The following CARS1 variants were observed in gnomAD, a reference collection of about 807,000 sequenced individuals.
CARS1 encodes the protein cysteinyl-tRNA synthetase 1.
A neutral mutation model predicts 106.2 loss-of-function variants in CARS1; 48 were observed. The observed-to-expected ratio is 0.45, with a 90% confidence interval of 0.36 to 0.57. The LOEUF (loss-of-function observed/expected upper bound fraction) is 0.57. Among genes scored for constraint, CARS1 ranks in the 20% least tolerant of loss-of-function variants. The pLI is 0.00. For synonymous variants in CARS1, 409 were observed against 403.4 expected, an observed-to-expected ratio of 1.01 and a Z score of -0.17; for missense variants, 968 against 1,057.2, an observed-to-expected ratio of 0.92 and a Z score of 1.17.
intron 17 of CARS1, among the ~76,000 whole-genome samples, chr11:3,015,173 A>AT (rs1212088475): frequency 9.2e-5 from 14 of 152,104 alleles, no homozygotes; most frequent in Non-Finnish European, 1.6e-4. Context: ...TTCTGGATGG[A>AT]TTTTCTCACC....
Position 3,022,442 on chromosome 11 carries a change from G to A in CARS1, c.1154-2110C>T, listed in dbSNP as rs756629787. 4.6e-5 allele frequency among the ~76,000 whole-genome samples: 7 copies of A among 151,992 alleles called. No individual in the cohort carries two copies. The highest frequency in any genetic ancestry group is 2.1e-4 in the South Asian group (1 of 4,810). On this transcript the variant is annotated intron_variant, in intron 10 of 22. Coordinates refer to ENST00000380525, the MANE Select transcript of CARS1 (RefSeq NM_001014437.3). This position sits in a 1 kb window ranked among gnomAD's most constrained non-coding sequence, Gnocchi z 4.9. ...ACCCCTCCCCAAATCTCAGGGAGGC[G>A]GATCTGAGGTTTCCTCCCATCTCCA...
chr11:3,012,347 A>C, intron 17 of CARS1, 71 bp from the exon 18 acceptor site: 294 of 1,329,470 alleles, frequency 2.2e-4, no homozygotes, highest in Middle Eastern at 3.7e-4. Context: ...ATAATAGCTC[A>C]GTGGCCGCGA....
intron 17 of CARS1, 115 bp downstream of exon 17, chr11:3,015,666 C>T (rs960377474): frequency 2.2e-6 from 2 of 906,412 alleles, no homozygotes. Context: ...GAGGCGCTGT[C>T]CGGAAGGGTC....
intron 7 of CARS1, among the ~76,000 whole-genome samples, chr11:3,033,560 G>T (rs887381058): frequency 6.6e-6 from 1 of 152,160 alleles, no homozygotes; most frequent in Non-Finnish European, 1.5e-5. Flanking sequence ...ACAAGTAAAT[G>T]ATGTCAAATT....
chr11:3,015,919 G>T, intron 16 of CARS1, 70 bp from the exon 17 acceptor site: 1 of 1,323,444 alleles, frequency 7.6e-7, no homozygotes, highest in Non-Finnish European at 1.1e-6. Context: ...GCAGCTGTGA[G>T]CTGTGTTCCT....
At chr11:3,032,132 G>C (rs1852919414) in intron 7 of CARS1, among the ~76,000 whole-genome samples, 1 of 148,990 alleles carries the variant, frequency 6.7e-6, no homozygotes, top group Non-Finnish European at 1.5e-5. Flanking sequence ...GAGTGCAGTA[G>C]TGCAATCTCA....
At chr11:3,036,412 AACAACTC>A (rs1038378781) in intron 7 of CARS1, among the ~76,000 whole-genome samples, 71 of 152,362 alleles carry the variant, frequency 4.7e-4, no homozygotes, top group Middle Eastern at 3.4e-3. Context: ...GACAACACAA[AACAACTC>A]ACAGTTCAGC....
chr11:3,034,281 C>T lies in CARS1; in HGVS notation c.801+3769G>A, dbSNP rs368278956. On this transcript the variant is annotated intron_variant, in intron 7 of 22. Transcript: ENST00000380525. This position sits in a 1 kb window ranked among gnomAD's most constrained non-coding sequence, Gnocchi z 6.3. ...TGTTTCCCAGGCTGGAATGCAGTGGCGTGATCTCGGCTCACTGCAACCTCC... is the reference window on the plus strand; with the variant it reads ...TGTTTCCCAGGCTGGAATGCAGTGGTGTGATCTCGGCTCACTGCAACCTCC... Among the ~76,000 whole-genome samples, 8 of 152,150 alleles carry T rather than the reference C, an allele frequency of 5.3e-5. No homozygotes were observed. The East Asian group carries it at 1.2e-3, about 22-fold the overall frequency.
At chr11:3,056,760 C>T (rs420127) in intron 1 of CARS1, among the ~76,000 whole-genome samples, 50,123 of 152,096 alleles carry the variant, frequency 0.33, 10,338 homozygotes, top group East Asian at 0.66. Context: ...TTGTCTCCCC[C>T]CTAAAGGCCA....
chr11:3,028,201 G>C lies in CARS1; in HGVS notation c.1031+795C>G, dbSNP rs1395859295. The C allele has an allele frequency of 2.9e-6, 1 of 345,824 alleles. No individual in the cohort carries two copies. The highest frequency in any genetic ancestry group is 5.5e-6 in the Non-Finnish European group (1 of 182,160). The allele number at this position is 345,824 out of a possible 1,614,324, so 21.4% of individuals were successfully genotyped here. ...AGGGCCCCCTGTCCAGTGGACACGTGACCCACGTGGCCTTACCTATCATTG... is the reference window on the plus strand; with the variant it reads ...AGGGCCCCCTGTCCAGTGGACACGTCACCCACGTGGCCTTACCTATCATTG... On this transcript the variant is annotated intron_variant, in intron 9 of 22. Coordinates refer to ENST00000380525, the MANE Select transcript of CARS1 (RefSeq NM_001014437.3). This position sits in a 1 kb window ranked among gnomAD's most constrained non-coding sequence, Gnocchi z 4.4.
intron 17 of CARS1, 103 bp downstream of exon 17, chr11:3,015,678 G>A (rs2134132954): frequency 1.0e-6 from 1 of 997,552 alleles, no homozygotes. Context: ...GGAAGGGTCT[G>A]GTGTGGGTGG....
intron 7 of CARS1, among the ~76,000 whole-genome samples, chr11:3,032,004 C>A (rs11025111): frequency 1.5e-5 from 1 of 64,592 alleles, no homozygotes; most frequent in Non-Finnish European, 2.8e-5. Flanking sequence ...CCTTCCCTCC[C>A]TCCCTCCCTC....
chr11:3,033,474 G>C (rs900898229), intron 7 of CARS1, among the ~76,000 whole-genome samples: 2 of 152,096 alleles, frequency 1.3e-5, no homozygotes, highest in Admixed American at 6.5e-5. Context: ...AGTAATTCTA[G>C]ATAATTAACT....
In CARS1 at chr11:3,030,745, G is replaced by A. The variant is rs996224429; in HGVS notation, c.802-1302C>T. 3.3e-5 allele frequency: 5 copies of A among 152,292 alleles called. No homozygotes were observed. The South Asian group carries it at 6.2e-4, about 19-fold the overall frequency. 9.4% of individuals were successfully genotyped at this position (152,292 alleles called of 1,614,324 possible). A position where few individuals can be genotyped will look rare whatever the true frequency, so the allele number is the denominator to read the frequency against. On this transcript the variant is annotated intron_variant, in intron 7 of 22. Transcript: ENST00000380525. The surrounding 1 kb of genome is among the most constrained non-coding windows in gnomAD (Gnocchi z 5.7). ...ATTACAGGCTTAAAGACATAAGGAC[G>A]GACTCCCAGATGACAGGCAATAGCA...
Position 3,039,812 on chromosome 11 carries a change from T to A in CARS1, c.552+23A>T. 1 of 1,262,776 alleles carries A rather than the reference T, an allele frequency of 7.9e-7. No homozygotes were observed. Among genetic ancestry groups the A allele is most frequent in the Non-Finnish European group, 1.1e-6 (1 of 891,926 alleles). The allele number at this position is 1,262,776 out of a possible 1,614,324, so 78.2% of individuals were successfully genotyped here. ...TACACCATCCAATTGCATTTAAAATTTAATCTTACAAATTCCCTTTACCTT... is the reference window on the plus strand; with the variant it reads ...TACACCATCCAATTGCATTTAAAATATAATCTTACAAATTCCCTTTACCTT... On this transcript the variant is annotated intron_variant, in intron 5 of 22. Coordinates refer to ENST00000380525, the MANE Select transcript of CARS1 (RefSeq NM_001014437.3). The surrounding 1 kb of genome is among the most constrained non-coding windows in gnomAD (Gnocchi z 5.6).
At chr11:3,011,632 AAAG>A (rs1253498348) in intron 18 of CARS1, among the ~76,000 whole-genome samples, 1 of 152,078 alleles carries the variant, frequency 6.6e-6, no homozygotes, top group Non-Finnish European at 1.5e-5. Context: ...AAACAAACAA[AAAG>A]ATGAAGGAAT....
chr11:3,039,126 T>C lies in CARS1; in HGVS notation c.651+68A>G, dbSNP rs922748370. On this transcript the variant is annotated intron_variant, in intron 6 of 22. Transcript: ENST00000380525. This position sits in a 1 kb window ranked among gnomAD's most constrained non-coding sequence, Gnocchi z 5.6. ...GAGACTGACACTACCCTAGGGACAG[T>C]AGCCTACAAAGGACCGAGAACAGAA... The C allele has an allele frequency of 3.3e-5, 32 of 970,370 alleles. No homozygotes were observed. Among genetic ancestry groups the C allele is most frequent in the Non-Finnish European group, 5.0e-5 (30 of 605,058 alleles). The allele number at this position is 970,370 out of a possible 1,614,324, so 60.1% of individuals were successfully genotyped here. A position where few individuals can be genotyped will look rare whatever the true frequency, so the allele number is the denominator to read the frequency against.
Position 3,041,634 on chromosome 11 carries a change from G to A in CARS1, c.366+531C>T, listed in dbSNP as rs1854466783. The stretch of plus-strand genomic sequence containing the variant: ...ATGCTCCCTGATGGAAATCCAAGCA[G>A]CCCCGCCCAGAGCCTGGTCTGAAAT... On this transcript the variant is annotated intron_variant, in intron 3 of 22. Coordinates refer to ENST00000380525, the MANE Select transcript of CARS1 (RefSeq NM_001014437.3). The surrounding 1 kb of genome is among the most constrained non-coding windows in gnomAD (Gnocchi z 4.9). Among the ~76,000 whole-genome samples, 1 of 152,004 alleles carries A rather than the reference G, an allele frequency of 6.6e-6. No individual in the cohort carries two copies. Among genetic ancestry groups the A allele is most frequent in the African/African-American group, 2.4e-5 (1 of 41,384 alleles).
chr11:3,015,751 G>A, intron 17 of CARS1, 30 bp downstream of exon 17: 1 of 1,601,160 alleles, frequency 6.2e-7, no homozygotes, highest in Non-Finnish European at 8.6e-7. Flanking sequence ...GGGAGCAGGT[G>A]CAGAAGGCAG....
Sources: gnomAD v4.1 joint callset for allele counts (sites outside exome capture counted in the v4.1 genomes callset) on GRCh38, gnomAD v4.1.1 for gene constraint, Gnocchi (gnomAD v3.1) non-coding constraint, MANE v1.5 for transcripts, NCBI Gene and HGNC (gene_info 2026-07-23, HGNC 2026-07-21) for gene names.